The following ADCY3 variants were observed in gnomAD, a reference collection of about 807,000 sequenced individuals.
ADCY3 encodes adenylate cyclase 3.
A neutral mutation model predicts 119.4 loss-of-function variants in ADCY3; 70 were observed. That is an observed-to-expected ratio of 0.59 (90% CI 0.48 to 0.72). ADCY3 has a LOEUF of 0.72. ADCY3 is among the 30% of genes least tolerant of loss of function. The probability of loss-of-function intolerance (pLI) is 0.00; values close to 1 mark genes in which losing one functional copy is unlikely to be tolerated. For missense variants in ADCY3, 1,238 were observed against 1,541.6 expected, an observed-to-expected ratio of 0.80 and a Z score of 3.30; for synonymous variants, 672 against 621.4, an observed-to-expected ratio of 1.08 and a Z score of -1.21.
chr2:24,836,882 C>T (rs1670387472), intron 9 of ADCY3, 35 bp downstream of exon 9: 1 of 1,572,934 alleles, frequency 6.4e-7, no homozygotes, highest in Non-Finnish European at 8.6e-7. Flanking sequence ...CGCATCTGGC[C>T]CTCAGTGACC....
At chr2:24,852,051 C>T (rs1262718032) in intron 3 of ADCY3, among the ~76,000 whole-genome samples, 1 of 152,186 alleles carries the variant, frequency 6.6e-6, no homozygotes, top group Admixed American at 6.5e-5. Context: ...AGGACCCAGA[C>T]CGAAGCCCTG....
intron 2 of ADCY3, among the ~76,000 whole-genome samples, chr2:24,912,958 A>G (rs1399850644): frequency 1.3e-5 from 2 of 152,202 alleles, no homozygotes; most frequent in Non-Finnish European, 2.9e-5. Context: ...TCCTCCTCAC[A>G]TGCAGCTGAA....
chr2:24,918,528 A>T lies in ADCY3; in HGVS notation c.460T>A (p.Tyr154Asn). Residue 154 changes from tyrosine (Y) to asparagine (N), a missense_variant, in exon 2 of 22, where the codon TAC (tyrosine) becomes AAC (asparagine). Around this residue, in one of 7 missense-constraint regions of ADCY3, gnomAD observed 227 missense variants for 249.3 expected, o/e 0.91. Transcript: ENST00000679454. The surrounding 1 kb of genome is among the most constrained non-coding windows in gnomAD (Gnocchi z 5.4). ...WLLITAQIFS[Y>N]LGLNFARAHA... The stretch of plus-strand genomic sequence containing the variant: ...GCACGCGCGAAGTTCAGGCCCAGGT[A>T]GGAGAAGATCTGGGCGGTTATGAGC... 1 of 1,613,942 alleles carries T rather than the reference A, an allele frequency of 6.2e-7. No individual in the cohort carries two copies. The highest frequency in any genetic ancestry group is 8.5e-7 in the Non-Finnish European group (1 of 1,179,892).
intron 13 of ADCY3, among the ~76,000 whole-genome samples, chr2:24,829,798 C>A (rs1419084922): frequency 6.6e-6 from 1 of 151,248 alleles, no homozygotes; most frequent in Non-Finnish European, 1.5e-5. Context: ...ATGGTACTAC[C>A]ACAATTAGAG....
At position 24,841,327 on chromosome 2, in the gene ADCY3, C is replaced by G; in HGVS notation, c.1128G>C (p.Leu376Phe). 6.3e-7 allele frequency: 1 copy of G among 1,593,998 alleles called. No homozygotes were observed. Among genetic ancestry groups the G allele is most frequent in the African/African-American group, 1.3e-5 (1 of 74,810 alleles). ...CGGCGTGGTCCTCCCGGTAGTCGGG[C>G]AAGCCGCAGATGCAGTAGTAGCAGT... is the stretch of plus-strand genomic sequence containing the variant. ...LGDCYYCICG[L>F]PDYREDHAVC... Residue 376 changes from leucine (L) to phenylalanine (F), a missense_variant, in exon 6 of 22, where the codon TTG (leucine) becomes TTC (phenylalanine). Physicochemically the swap from Leu to Phe is conservative, Grantham distance 22. Transcript: ENST00000679454. The surrounding 1 kb of genome is among the most constrained non-coding windows in gnomAD (Gnocchi z 5.8).
intron 2 of ADCY3, among the ~76,000 whole-genome samples, chr2:24,896,707 C>A (rs72848443): frequency 0.04 from 6,042 of 152,214 alleles, 372 homozygotes; most frequent in African/African-American, 0.14. Context: ...TTGATATTCA[C>A]CGAGATTCCA....
At chr2:24,822,715 G>A (rs972126728) in intron 18 of ADCY3, 85 bp from the exon 19 acceptor site, 1 of 1,549,162 alleles carries the variant, frequency 6.5e-7, no homozygotes, top group Admixed American at 1.8e-5. Flanking sequence ...TGTTTACAAG[G>A]ACCCCACTAA....
chr2:24,822,318 T>C, intron 19 of ADCY3, 193 bp downstream of exon 19: 1 of 728,816 alleles, frequency 1.4e-6, no homozygotes, highest in South Asian at 1.8e-5. Context: ...GGGGGTTGTG[T>C]GTCTGTTCTG....
At chr2:24,849,924 C>T (rs879905127) in intron 3 of ADCY3, among the ~76,000 whole-genome samples, 1 of 152,086 alleles carries the variant, frequency 6.6e-6, no homozygotes, top group Non-Finnish European at 1.5e-5. Context: ...CTAAGCTGTG[C>T]GACACCATTG....
At chr2:24,840,151 C>G (rs1670827538) in intron 6 of ADCY3, 120 bp from the exon 7 acceptor site, 1 of 1,358,842 alleles carries the variant, frequency 7.4e-7, no homozygotes, top group Admixed American at 2.2e-5. Flanking sequence ...GGGGGCCTGG[C>G]AAGGTCCCCA....
At chr2:24,820,330 C>T in intron 21 of ADCY3, 1 of 1,331,450 alleles carries the variant, frequency 7.5e-7, no homozygotes, top group Non-Finnish European at 9.6e-7. Flanking sequence ...CTCCTCTCAT[C>T]CAGAGACTTC....
At chr2:24,852,726 G>C (rs572111511) in intron 3 of ADCY3, among the ~76,000 whole-genome samples, 1 of 152,256 alleles carries the variant, frequency 6.6e-6, no homozygotes, top group Non-Finnish European at 1.5e-5. Flanking sequence ...GCCGCTGCCC[G>C]AGGACCCGAG....
At chr2:24,821,474 G>T in intron 20 of ADCY3, 43 bp downstream of exon 20, 1 of 1,607,780 alleles carries the variant, frequency 6.2e-7, no homozygotes, top group East Asian at 2.2e-5. Context: ...CCCCTGCATG[G>T]GAAGGGAGCC....
In ADCY3 at chr2:24,829,412, ATT is replaced by A. The variant is rs67246369; in HGVS notation, c.2173-1253_2173-1252del. On this transcript the variant is annotated intron_variant, in intron 13 of 21. Coordinates refer to ENST00000679454, the MANE Select transcript of ADCY3 (RefSeq NM_004036.5). Reference sequence around the variant, plus strand: ...ATGTTGGTTGTATTTGTGTGCTCCAATTTTTTTTTTTTTTTTTTTTTTTTTTT... The same window carrying A: ...ATGTTGGTTGTATTTGTGTGCTCCAATTTTTTTTTTTTTTTTTTTTTTTTT... Among the ~76,000 whole-genome samples the A allele has an allele frequency of 3.9e-3, 250 of 63,770 alleles. 1 individual carries two copies. Among genetic ancestry groups the A allele is most frequent in the African/African-American group, 0.012 (198 of 16,760 alleles). 41.8% of individuals were successfully genotyped at this position (63,770 alleles called of 152,430 possible). A position where few individuals can be genotyped will look rare whatever the true frequency, so the allele number is the denominator to read the frequency against.
chr2:24,911,665 C>A (rs1413017291), intron 2 of ADCY3, among the ~76,000 whole-genome samples: 1 of 126,186 alleles, frequency 7.9e-6, no homozygotes. Context: ...AAAACACACA[C>A]ACACACACCA....
intron 9 of ADCY3, among the ~76,000 whole-genome samples, chr2:24,836,641 A>T (rs1670357693): frequency 6.6e-6 from 1 of 152,182 alleles, no homozygotes; most frequent in Admixed American, 6.5e-5. Flanking sequence ...ACTGATCTCA[A>T]ATCTACAGGA....
rs184619841 is a variant in ADCY3 at position 24,845,822 on chromosome 2, C to T, written c.826-3438G>A. On this transcript the variant is annotated intron_variant, in intron 3 of 21. Coordinates refer to ENST00000679454, the MANE Select transcript of ADCY3 (RefSeq NM_004036.5). ...GAGGTGTAAGAGGAAAAAGTAGTTT[C>T]GTGGGCCAGGCCCAGGGTGCCCATG... 2.1e-4 allele frequency among the ~76,000 whole-genome samples: 32 copies of T among 152,332 alleles called. No homozygotes were observed. The East Asian group carries it at 5.8e-3, about 28-fold the overall frequency.
At chr2:24,826,287 AAAATTTTCTTAACTC>A in intron 15 of ADCY3, 161 bp from the exon 16 acceptor site, 1 of 632,064 alleles carries the variant, frequency 1.6e-6, no homozygotes. Flanking sequence ...CCCGGGCAGT[AAAATTTTCTTAACTC>A]ACTGGGCTCC....
At chr2:24,823,555 T>G (rs1668125062) in intron 17 of ADCY3, among the ~76,000 whole-genome samples, 200 bp from the exon 18 acceptor site, 1 of 149,056 alleles carries the variant, frequency 6.7e-6, no homozygotes, top group African/African-American at 2.5e-5. Flanking sequence ...GCAGTGGCAG[T>G]AAACAAGCAC....
Sources: allele counts gnomAD v4.1 joint callset (sites outside exome capture counted in the v4.1 genomes callset), GRCh38; gene constraint gnomAD v4.1.1; regional missense constraint gnomAD v4.1.1; non-coding constraint Gnocchi (gnomAD v3.1); transcripts MANE v1.5; gene names NCBI Gene and HGNC (gene_info 2026-07-23, HGNC 2026-07-21).